The following TIAM1 variants were observed in gnomAD, a reference collection of about 807,000 sequenced individuals.
TIAM1 encodes the protein rho guanine nucleotide exchange factor TIAM1.
TIAM1 carries 65 observed loss-of-function variants against 163.5 expected under a neutral mutation model. The observed-to-expected ratio is 0.40, with a 90% CI of 0.33 to 0.49. TIAM1 has a LOEUF of 0.49. Ranked by LOEUF, TIAM1 falls within the 20% of genes least tolerant of loss-of-function variation. The probability of loss-of-function intolerance (pLI) is 0.77; values close to 1 mark genes in which losing one functional copy is unlikely to be tolerated. For synonymous variants in TIAM1, 833 were observed against 810.1 expected (o/e 1.03, Z -0.48); for missense variants, 1,789 against 2,044.7 (o/e 0.87, Z 2.41).
chr21:31,409,476 ACCT>A (rs1391446367), intron 2 of TIAM1, among the ~76,000 whole-genome samples: 8 of 150,928 alleles, frequency 5.3e-5, no homozygotes, highest in Non-Finnish European at 1.5e-5. Flanking sequence ...CCTCCACCCC[ACCT>A]CCTGCTCCCC....
chr21:31,432,699 G>C (rs569998447), intron 2 of TIAM1, among the ~76,000 whole-genome samples: 6 of 152,320 alleles, frequency 3.9e-5, no homozygotes, highest in Non-Finnish European at 7.3e-5. Context: ...ACAAACACAG[G>C]GGTGTTAAAA....
At position 31,493,506 on chromosome 21, in the gene TIAM1, C is replaced by CA. The variant is rs553980114; in HGVS notation, c.-421-29472dup. On this transcript the variant is annotated intron_variant, in intron 1 of 28. Coordinates refer to the TIAM1 transcript ENST00000286827. The stretch of plus-strand genomic sequence containing the variant: ...AGGGTAGCAACAGCTTAAGCAAAGA[C>CA]AAAAAAACAGAAAACTTTAACAAGA... Among the ~76,000 whole-genome samples, 17 of 152,062 alleles carry CA rather than the reference C, an allele frequency of 1.1e-4. No individual in the cohort carries two copies. In the East Asian group the frequency reaches 2.7e-3, roughly 24 times the overall value.
intron 15 of TIAM1, among the ~76,000 whole-genome samples, chr21:31,180,680 A>G (rs1874885363): frequency 6.6e-6 from 1 of 152,266 alleles, no homozygotes; most frequent in African/African-American, 2.4e-5. Context: ...TCAAAGTCAT[A>G]TTCCAGAAAC....
At chr21:31,400,799 G>A (rs1014969842) in intron 2 of TIAM1, among the ~76,000 whole-genome samples, 7 of 152,054 alleles carry the variant, frequency 4.6e-5, no homozygotes, top group African/African-American at 1.7e-4. Flanking sequence ...GACTATTAAA[G>A]TGGAATCCCG....
chr21:31,413,117 A>AAAATAATATCG, intron 2 of TIAM1, among the ~76,000 whole-genome samples: 1 of 152,152 alleles, frequency 6.6e-6, no homozygotes, highest in Non-Finnish European at 1.5e-5. Context: ...ATAAAGAAAC[A>AAAATAATATCG]AAATAATATC....
At chr21:31,511,961 G>A (rs983222387) in intron 1 of TIAM1, among the ~76,000 whole-genome samples, 1 of 152,178 alleles carries the variant, frequency 6.6e-6, no homozygotes, top group Non-Finnish European at 1.5e-5. Flanking sequence ...AAGGAGAGTG[G>A]CAGGTTAGGG....
rs149960360 is a variant in TIAM1 at position 31,395,740 on chromosome 21, T to G, written c.-368-56318A>C. Among the ~76,000 whole-genome samples the G allele has an allele frequency of 9.3e-4, 141 of 152,296 alleles. No homozygotes were observed. In the South Asian group the frequency reaches 0.012, roughly 13 times the overall value. ...CCCCTGGCTGTCGCGTGAAAATTTT[T>G]GCTTTATAAATTGGGGAGGTTATTA... On this transcript the variant is annotated intron_variant, in intron 2 of 28. Transcript: ENST00000286827. This position sits in a 1 kb window ranked among gnomAD's most constrained non-coding sequence, Gnocchi z 7.5.
intron 19 of TIAM1, 109 bp downstream of exon 19, chr21:31,152,527 T>G: frequency 2.7e-6 from 4 of 1,460,924 alleles, no homozygotes; most frequent in Non-Finnish European, 3.7e-6. Context: ...CAGACACCCT[T>G]AGGAACAGAC....
At position 31,136,627 on chromosome 21, in the gene TIAM1, T is replaced by G. The variant is rs75438664; in HGVS notation, c.3775-586A>C. 3.1e-3 allele frequency among the ~76,000 whole-genome samples: 478 copies of G among 152,374 alleles called. 7 individuals are homozygous for G. In the East Asian group the frequency reaches 0.032, roughly 10 times the overall value. ...CCCCATTTATTCCATGCTTGTCTAC[T>G]AGAATTTCAGAAAAGGATGGCAAAT... On this transcript the variant is annotated intron_variant, in intron 22 of 27. Coordinates refer to ENST00000541036, the MANE Select transcript of TIAM1 (RefSeq NM_001353694.2).
intron 2 of TIAM1, among the ~76,000 whole-genome samples, chr21:31,434,629 C>A (rs2044150125): frequency 6.6e-6 from 1 of 152,236 alleles, no homozygotes; most frequent in African/African-American, 2.4e-5. Flanking sequence ...TACTTCCTCA[C>A]TTCCTAACAG....
intron 2 of TIAM1, among the ~76,000 whole-genome samples, chr21:31,394,681 T>C (rs965588563): frequency 8.4e-5 from 12 of 142,258 alleles, no homozygotes; most frequent in African/African-American, 3.2e-4. Context: ...AATGAAAATC[T>C]ACTCATTCTC....
chr21:31,172,315 T>TA (rs1277300466), intron 15 of TIAM1, among the ~76,000 whole-genome samples: 5 of 151,692 alleles, frequency 3.3e-5, no homozygotes, highest in Non-Finnish European at 7.4e-5. Context: ...GTTTTTTTTT[T>TA]AATCCCATAC....
intron 16 of TIAM1, among the ~76,000 whole-genome samples, chr21:31,159,812 A>T (rs2083815134): frequency 6.6e-6 from 1 of 152,224 alleles, no homozygotes; most frequent in Non-Finnish European, 1.5e-5. Context: ...TTGCTAAATT[A>T]TTTCTTGCCA....
chr21:31,195,117 A>G, intron 13 of TIAM1, 107 bp downstream of exon 13: 1 of 799,382 alleles, frequency 1.3e-6, no homozygotes, highest in Non-Finnish European at 2.0e-6. Flanking sequence ...CAGATATACT[A>G]TCTGTTTTAG....
At chr21:31,142,544 T>C (rs1347718573) in intron 20 of TIAM1, among the ~76,000 whole-genome samples, 1 of 119,566 alleles carries the variant, frequency 8.4e-6, no homozygotes, top group Non-Finnish European at 1.6e-5. Flanking sequence ...GGCAGGAGAA[T>C]CACTTGAACC....
At chr21:31,204,193 T>C (rs2086339398) in intron 11 of TIAM1, among the ~76,000 whole-genome samples, 1 of 152,216 alleles carries the variant, frequency 6.6e-6, no homozygotes, top group South Asian at 2.1e-4. Context: ...AACCAAGTGA[T>C]TTTTTTAAGC....
intron 5 of TIAM1, among the ~76,000 whole-genome samples, chr21:31,249,364 G>T (rs78253647): frequency 0.022 from 3,295 of 152,226 alleles, 96 homozygotes; most frequent in African/African-American, 0.067. Flanking sequence ...CCAGCCTCCA[G>T]GACTGTGAGA....
chr21:31,441,644 T>C (rs12481985), intron 2 of TIAM1, among the ~76,000 whole-genome samples: 126 of 152,290 alleles, frequency 8.3e-4, no homozygotes, highest in Middle Eastern at 3.4e-3. Flanking sequence ...TGTTCCAGGA[T>C]TGAGCCTTCC....
At chr21:31,306,059 C>A (rs927689058) in intron 2 of TIAM1, among the ~76,000 whole-genome samples, 2 of 152,024 alleles carry the variant, frequency 1.3e-5, no homozygotes, top group Non-Finnish European at 2.9e-5. Context: ...AAATCAGGGA[C>A]AATTTGAGTA....
Sources: gnomAD v4.1 joint callset for allele counts (sites outside exome capture counted in the v4.1 genomes callset) on GRCh38, gnomAD v4.1.1 for gene constraint, Gnocchi (gnomAD v3.1) non-coding constraint, MANE v1.5 for transcripts, NCBI Gene and HGNC (gene_info 2026-07-23, HGNC 2026-07-21) for gene names.